Variants in RARB observed in about 807,000 individuals in gnomAD.
RARB encodes HBV-activated protein.
Under a neutral mutation model 51.9 loss-of-function variants are expected in RARB, and 17 were observed. That is an observed-to-expected ratio of 0.33 (90% CI 0.22 to 0.49). The LOEUF (loss-of-function observed/expected upper bound fraction) is 0.49, where lower values mean the gene tolerates loss of function less well. RARB is among the 20% of genes least tolerant of loss of function. The pLI is 0.99. For missense variants in RARB, 369 were observed against 550.8 expected, an observed-to-expected ratio of 0.67 and a Z score of 3.30; for synonymous variants, 215 against 195.4, an observed-to-expected ratio of 1.10 and a Z score of -0.84.
chr3:25,110,141 A>G (rs909425431), intron 3 of RARB, among the ~76,000 whole-genome samples: 3 of 152,190 alleles, frequency 2.0e-5, no homozygotes, highest in African/African-American at 7.2e-5. Flanking sequence ...GTATCCTCCA[A>G]AAAAATCCCT....
chr3:24,842,829 C>T (rs1267235535), intron 1 of RARB, among the ~76,000 whole-genome samples: 2 of 152,342 alleles, frequency 1.3e-5, no homozygotes, highest in Non-Finnish European at 2.9e-5. Context: ...AATTCTTTAA[C>T]CATGAAACCC....
chr3:25,287,742 A>G (rs918184803), intron 5 of RARB, among the ~76,000 whole-genome samples: 14 of 152,312 alleles, frequency 9.2e-5, no homozygotes, highest in South Asian at 4.1e-4. Context: ...TATGTATTGC[A>G]TATTTTCCAC....
intron 5 of RARB, among the ~76,000 whole-genome samples, chr3:25,336,327 C>T (rs1249669639): frequency 6.6e-6 from 1 of 152,154 alleles, no homozygotes; most frequent in Non-Finnish European, 1.5e-5. Flanking sequence ...ATAATAGCCT[C>T]AAGATAAATA....
chr3:25,041,165 G>A (rs1388647443), intron 2 of RARB, among the ~76,000 whole-genome samples: 1 of 152,150 alleles, frequency 6.6e-6, no homozygotes, highest in Non-Finnish European at 1.5e-5. Context: ...AGTGTCTGGA[G>A]ATGCTTAACC....
At chr3:25,190,461 G>A (rs1437209284) in intron 5 of RARB, among the ~76,000 whole-genome samples, 1 of 151,992 alleles carries the variant, frequency 6.6e-6, no homozygotes, top group Non-Finnish European at 1.5e-5. Flanking sequence ...TCTTACTGTG[G>A]GTCTTGCATT....
chr3:25,473,172 G>A (rs566097070), intron 2 of RARB, among the ~76,000 whole-genome samples: 3 of 152,206 alleles, frequency 2.0e-5, no homozygotes, highest in African/African-American at 7.2e-5. Flanking sequence ...GTGCCTTTTA[G>A]GAACTATGTC....
At chr3:25,208,759 T>C (rs1701622172) in intron 5 of RARB, among the ~76,000 whole-genome samples, 1 of 152,164 alleles carries the variant, frequency 6.6e-6, no homozygotes, top group Admixed American at 6.5e-5. Flanking sequence ...GCCCCTCACA[T>C]GTTGGCTGCC....
intron 5 of RARB, among the ~76,000 whole-genome samples, chr3:25,417,202 A>G (rs1389673451): frequency 2.0e-5 from 3 of 151,896 alleles, no homozygotes; most frequent in Admixed American, 6.6e-5. Flanking sequence ...ACCAATTAAA[A>G]AAAAAAAAAA....
At chr3:24,972,814 C>A (rs1411789000) in intron 2 of RARB, among the ~76,000 whole-genome samples, 1 of 151,876 alleles carries the variant, frequency 6.6e-6, no homozygotes, top group Non-Finnish European at 1.5e-5. Context: ...CTATTCAGAT[C>A]TTTTGTCTAT....
intron 3 of RARB, among the ~76,000 whole-genome samples, chr3:25,102,696 T>G (rs1033058907): frequency 6.6e-6 from 1 of 152,098 alleles, no homozygotes; most frequent in African/African-American, 2.4e-5. Flanking sequence ...GAAAGAGACA[T>G]TTTGGTATTC....
chr3:24,914,010 G>C (rs113151960), intron 2 of RARB, among the ~76,000 whole-genome samples: 1 of 152,160 alleles, frequency 6.6e-6, no homozygotes, highest in South Asian at 2.1e-4. Flanking sequence ...AGATGCAAAA[G>C]GTAGCCACAG....
chr3:24,876,167 A>G (rs1370354814), intron 2 of RARB, among the ~76,000 whole-genome samples: 1 of 152,118 alleles, frequency 6.6e-6, no homozygotes, highest in Non-Finnish European at 1.5e-5. Context: ...GGTGGTGTCT[A>G]GTGGTTTCTC....
At chr3:24,861,004 T>G (rs955821256) in intron 2 of RARB, among the ~76,000 whole-genome samples, 1 of 152,162 alleles carries the variant, frequency 6.6e-6, no homozygotes, top group African/African-American at 2.4e-5. Context: ...ATTGATGCAT[T>G]TCTCAGAAGG....
At chr3:24,873,402 A>G (rs549618349) in intron 2 of RARB, among the ~76,000 whole-genome samples, 2 of 152,074 alleles carry the variant, frequency 1.3e-5, no homozygotes, top group Non-Finnish European at 1.5e-5. Context: ...ATTGTTAACA[A>G]TTATCTTTTT....
At chr3:25,323,699 A>G (rs1359885714) in intron 5 of RARB, among the ~76,000 whole-genome samples, 1 of 152,224 alleles carries the variant, frequency 6.6e-6, no homozygotes, top group Non-Finnish European at 1.5e-5. Context: ...GAAGGGCCAC[A>G]CATTTTTATA....
At chr3:24,837,748 A>G (rs7615624) in intron 1 of RARB, among the ~76,000 whole-genome samples, 31,679 of 152,142 alleles carry the variant, frequency 0.21, 7,105 homozygotes, top group African/African-American at 0.57. Context: ...GGAAACATAA[A>G]TGATTAATGA....
Position 25,385,510 on chromosome 3 carries a change from C to T in RARB, c.179-75683C>T, listed in dbSNP as rs138750696. Among the ~76,000 whole-genome samples the T allele has an allele frequency of 8.5e-4, 130 of 152,264 alleles. 1 individual carries two copies. The highest frequency in any genetic ancestry group is 1.2e-3 in the Non-Finnish European group (81 of 68,026). ...GAAAAGGTGACATTTCTCCTTCAGTCGGAGGCCCCCAAATGAGCATCCCTG... is the reference window on the plus strand; with the variant it reads ...GAAAAGGTGACATTTCTCCTTCAGTTGGAGGCCCCCAAATGAGCATCCCTG... On this transcript the variant is annotated intron_variant, in intron 5 of 11. Coordinates refer to the RARB transcript ENST00000383772.
intron 5 of RARB, among the ~76,000 whole-genome samples, chr3:25,380,767 G>C (rs575424121): frequency 2.0e-5 from 3 of 152,144 alleles, no homozygotes; most frequent in South Asian, 2.1e-4. Context: ...AGCATCTTTC[G>C]TCTCCCTCCC....
chr3:25,401,378 C>T (rs1707259189), intron 5 of RARB, among the ~76,000 whole-genome samples: 2 of 152,208 alleles, frequency 1.3e-5, no homozygotes, highest in South Asian at 4.1e-4. Flanking sequence ...CATCTAGAGC[C>T]TTTATAATTT....
Sources: gnomAD v4.1 joint callset for allele counts (sites outside exome capture counted in the v4.1 genomes callset) on GRCh38, gnomAD v4.1.1 for gene constraint, MANE v1.5 for transcripts, NCBI Gene and HGNC (gene_info 2026-07-23, HGNC 2026-07-21) for gene names.